The following PIBF1 variants were observed in gnomAD, a reference collection of about 807,000 sequenced individuals.
The protein encoded by PIBF1 is progesterone immunomodulatory binding factor 1, also known as progesterone-induced-blocking factor 1.
A neutral mutation model predicts 112.5 loss-of-function variants in PIBF1; 90 were observed. The observed-to-expected ratio is 0.80, with a 90% CI of 0.67 to 0.95. The LOEUF (loss-of-function observed/expected upper bound fraction) is 0.95, where lower values mean the gene tolerates loss of function less well. Among genes scored for constraint, PIBF1 ranks in the 40% least tolerant of loss-of-function variants. The pLI is 0.00. For synonymous variants in PIBF1, 301 were observed against 288.6 expected, an observed-to-expected ratio of 1.04 and a Z score of -0.44; for missense variants, 915 against 852.3, an observed-to-expected ratio of 1.07 and a Z score of -0.92.
rs775761548 is a variant in PIBF1 at position 72,839,890 on chromosome 13, C to A, written c.1223+4522C>A. Among the ~76,000 whole-genome samples the A allele has an allele frequency of 1.4e-4, 21 of 152,124 alleles. No individual in the cohort carries two copies. In the South Asian group the frequency reaches 1.7e-3, roughly 12 times the overall value. ...TCCTTGTCTCCTTGTCTCCAGTGTT[C>A]TTCTGACCCCCTATCCACATCAAAA... On this transcript the variant is annotated intron_variant, in intron 9 of 17. Transcript: ENST00000326291.
chr13:72,794,282 A>C (rs544795573), intron 3 of PIBF1, among the ~76,000 whole-genome samples: 1 of 152,320 alleles, frequency 6.6e-6, no homozygotes, highest in South Asian at 2.1e-4. Flanking sequence ...TTAAGAGGAA[A>C]GGATTTGGAG....
In PIBF1 at chr13:72,852,340, C is replaced by A. The variant is rs555226652; in HGVS notation, c.1224-1717C>A. Among the ~76,000 whole-genome samples the A allele has an allele frequency of 2.0e-5, 3 of 152,302 alleles. No individual in the cohort carries two copies. The South Asian group carries it at 6.2e-4, about 32-fold the overall frequency. On this transcript the variant is annotated intron_variant, in intron 9 of 17. Transcript: ENST00000326291. ...TGGAAGCTGCTTTCAGTATGCCTGT[C>A]CAGTCGCAGCCTCACAGGAAGCCTG...
intron 14 of PIBF1, among the ~76,000 whole-genome samples, chr13:72,945,707 G>C (rs956242723): frequency 6.6e-6 from 1 of 152,040 alleles, no homozygotes. Context: ...ATTCAAATTA[G>C]AGAATATGAA....
intron 14 of PIBF1, among the ~76,000 whole-genome samples, chr13:72,946,893 G>A (rs1489721207): frequency 1.3e-5 from 2 of 152,204 alleles, no homozygotes; most frequent in African/African-American, 4.8e-5. Flanking sequence ...TGGGCTGGCA[G>A]TGTCTACAAC....
intron 10 of PIBF1, among the ~76,000 whole-genome samples, chr13:72,860,250 A>T (rs985541120): frequency 6.6e-5 from 10 of 151,218 alleles, no homozygotes; most frequent in East Asian, 5.9e-4. Flanking sequence ...ACACAAGCTA[A>T]TTTTGAGGAT....
intron 9 of PIBF1, among the ~76,000 whole-genome samples, chr13:72,844,822 C>T (rs1320357341): frequency 7.4e-6 from 1 of 135,416 alleles, no homozygotes; most frequent in Non-Finnish European, 1.6e-5. Flanking sequence ...TACTGTTTTG[C>T]CCAGGCTGGG....
At chr13:73,008,336 A>G (rs1025079046) in intron 17 of PIBF1, among the ~76,000 whole-genome samples, 2 of 152,178 alleles carry the variant, frequency 1.3e-5, no homozygotes, top group Non-Finnish European at 2.9e-5. Flanking sequence ...ACTACCCCTG[A>G]TGCTTGTAAA....
intron 12 of PIBF1, among the ~76,000 whole-genome samples, chr13:72,914,773 T>A (rs1374128776): frequency 6.6e-6 from 1 of 152,102 alleles, no homozygotes; most frequent in African/African-American, 2.4e-5. Context: ...AGAGACACGG[T>A]CTCACTATGT....
chr13:72,790,421 TCACACACACACACA>T (rs57599910), intron 2 of PIBF1, among the ~76,000 whole-genome samples: 287 of 135,634 alleles, frequency 2.1e-3, no homozygotes, highest in Middle Eastern at 3.6e-3. Flanking sequence ...GAGGAGTCCA[TCACACACACACACA>T]CACACACACA....
At chr13:72,967,410 ATAGC>A (rs1168320276) in intron 15 of PIBF1, among the ~76,000 whole-genome samples, 1 of 152,212 alleles carries the variant, frequency 6.6e-6, no homozygotes, top group Non-Finnish European at 1.5e-5. Flanking sequence ...AGAGAAAATA[ATAGC>A]TAGCTGTAGG....
At chr13:72,831,422 A>G (rs2037106501) in intron 8 of PIBF1, among the ~76,000 whole-genome samples, 1 of 152,156 alleles carries the variant, frequency 6.6e-6, no homozygotes, top group Non-Finnish European at 1.5e-5. Context: ...ATTTCCCTCT[A>G]CACACTGCTT....
At position 72,835,246 on chromosome 13, in the gene PIBF1, C is replaced by A. The variant is rs374953820; in HGVS notation, c.1101C>A (p.Asp367Glu). 1.3e-6 allele frequency: 2 copies of A among 1,558,816 alleles called. No individual in the cohort carries two copies. Among genetic ancestry groups the A allele is most frequent in the East Asian group, 4.7e-5 (2 of 42,984 alleles). ...EMYEKYVASRDHYKTEYENKL... is the reference protein window; with the variant it reads ...EMYEKYVASREHYKTEYENKL... The stretch of plus-strand genomic sequence containing the variant: ...TGTTCCTTTTCACTCCTTGCAGAGA[C>A]CATTATAAAACAGAATATGAAAATA... Residue 367 changes from aspartate (D) to glutamate (E), a missense_variant, in exon 9 of 18, where the codon GAC becomes GAA. By Grantham distance (45) the Asp-to-Glu change is conservative. Coordinates refer to ENST00000326291, the MANE Select transcript of PIBF1 (RefSeq NM_006346.4).
intron 14 of PIBF1, among the ~76,000 whole-genome samples, chr13:72,950,942 A>G (rs1182512217): frequency 6.6e-6 from 1 of 152,224 alleles, no homozygotes; most frequent in Non-Finnish European, 1.5e-5. Context: ...AGGAGGCTCA[A>G]AGTGAGTGCC....
chr13:72,992,819 AG>A (rs1375298091), intron 16 of PIBF1, among the ~76,000 whole-genome samples: 1 of 152,036 alleles, frequency 6.6e-6, no homozygotes, highest in Non-Finnish European at 1.5e-5. Flanking sequence ...AAAATAAAAA[AG>A]GCCATAAGGC....
intron 10 of PIBF1, among the ~76,000 whole-genome samples, chr13:72,876,211 G>GTAT (rs2039395741): frequency 1.6e-5 from 2 of 125,028 alleles, no homozygotes; most frequent in Non-Finnish European, 3.2e-5. Context: ...CTTTCCACCA[G>GTAT]TATTCCCTTT....
chr13:72,975,148 C>T (rs933894691), intron 16 of PIBF1, among the ~76,000 whole-genome samples: 3 of 151,276 alleles, frequency 2.0e-5, no homozygotes, highest in Non-Finnish European at 4.4e-5. Context: ...CTCTGCCTTC[C>T]GAGTTCAAGC....
In PIBF1 at chr13:72,915,290, A is replaced by G. The variant is rs117393149; in HGVS notation, c.1640-1786A>G. On this transcript the variant is annotated intron_variant, in intron 12 of 17. Transcript: ENST00000326291. ...CTCAGTCTCCCCATATCTACCCTAT[A>G]CCTTGTAGCATGGGAAATAGTGGCA... 8.5e-3 allele frequency among the ~76,000 whole-genome samples: 1,295 copies of G among 152,100 alleles called. 67 individuals carry two copies. Among genetic ancestry groups the G allele is most frequent in the East Asian group, 8.9e-3 (46 of 5,166 alleles).
At position 72,973,687 on chromosome 13, in the gene PIBF1, A is replaced by T; in HGVS notation, c.2049+12A>T. 1 of 1,431,062 alleles carries T rather than the reference A, an allele frequency of 7.0e-7. No individual in the cohort carries two copies. The highest frequency in any genetic ancestry group is 1.4e-5 in the African/African-American group (1 of 70,398). 88.6% of individuals were successfully genotyped at this position (1,431,062 alleles called of 1,614,324 possible). On this transcript the variant is annotated intron_variant, in intron 16 of 17. Transcript: ENST00000326291. ...TAAATCATCGTGAGGTATTTTTCCT[A>T]TTTTGTCATAATTGTAATCATTTTA...
Position 72,795,479 on chromosome 13 carries a change from C to CT in PIBF1, c.477dup (p.Glu160Ter). On this transcript the variant is annotated frameshift_variant, in exon 4 of 18. Transcript: ENST00000326291. LOFTEE classifies it high-confidence loss of function. ...GAGATGTTCGTCGAAACCTGCGTGA[C>CT]TTTGAGTTGACAGAAGAGCAATATA... 6.2e-7 allele frequency: 1 copy of CT among 1,610,676 alleles called. No homozygotes were observed. Among genetic ancestry groups the CT allele is most frequent in the Non-Finnish European group, 8.5e-7 (1 of 1,178,598 alleles).
Sources: allele counts gnomAD v4.1 joint callset (sites outside exome capture counted in the v4.1 genomes callset), GRCh38; gene constraint gnomAD v4.1.1; transcripts MANE v1.5; gene names NCBI Gene and HGNC (gene_info 2026-07-23, HGNC 2026-07-21).